Variants in NEGR1 observed in about 807,000 individuals in gnomAD.
NEGR1 encodes the protein neuronal growth regulator 1.
NEGR1 carries 10 observed loss-of-function variants against 40.9 expected under a neutral mutation model. The ratio of observed to expected loss-of-function variants is 0.24; its 90% CI spans 0.15 to 0.42. The LOEUF (loss-of-function observed/expected upper bound fraction) is 0.42, where lower values mean the gene tolerates loss of function less well. Among genes scored for constraint, NEGR1 ranks in the 10% least tolerant of loss-of-function variants. NEGR1 has a pLI of 1.00. For missense variants in NEGR1, 352 were observed against 438.9 expected (o/e 0.80, Z 1.77); for synonymous variants, 185 against 166.8 (o/e 1.11, Z -0.84).
chr1:71,956,411 C>A (rs1646120029), intron 1 of NEGR1, among the ~76,000 whole-genome samples: 3 of 151,992 alleles, frequency 2.0e-5, no homozygotes. Context: ...AAGTAGTATT[C>A]TTTTACAAAA....
rs1646267113 is a variant in NEGR1 at position 71,404,669 on chromosome 1, T to A, written c.*2777A>T. ...CTCATTTTTAAACTGCTACTTATTTTTCTTTCTTCCTTCTTTAAAAAAAAA... is the reference window on the plus strand; with the variant it reads ...CTCATTTTTAAACTGCTACTTATTTATCTTTCTTCCTTCTTTAAAAAAAAA... On this transcript the variant is annotated 3_prime_UTR_variant, in exon 7 of 7. Coordinates refer to ENST00000357731, the MANE Select transcript of NEGR1 (RefSeq NM_173808.3). 1 of 152,068 alleles carries A rather than the reference T, an allele frequency of 6.6e-6. No individual in the cohort carries two copies. Among genetic ancestry groups the A allele is most frequent in the Non-Finnish European group, 1.5e-5 (1 of 67,730 alleles). 9.4% of individuals were successfully genotyped at this position (152,068 alleles called of 1,614,324 possible).
At chr1:71,547,464 C>T (rs891612166) in intron 6 of NEGR1, among the ~76,000 whole-genome samples, 11 of 151,674 alleles carry the variant, frequency 7.3e-5, no homozygotes, top group Admixed American at 5.9e-4. Context: ...TTGGAGAGGA[C>T]GTCTTCTAAA....
intron 6 of NEGR1, among the ~76,000 whole-genome samples, chr1:71,499,351 A>G (rs1646984586): frequency 6.6e-6 from 1 of 151,452 alleles, no homozygotes; most frequent in Non-Finnish European, 1.5e-5. Flanking sequence ...CACCTAGTGC[A>G]GAGAAGGCAA....
chr1:72,260,899 T>C (rs1202400035), intron 1 of NEGR1, among the ~76,000 whole-genome samples: 1 of 152,044 alleles, frequency 6.6e-6, no homozygotes, highest in Admixed American at 6.6e-5. Context: ...TATAAACAAT[T>C]GTTGAAGATT....
rs953393982 is a variant in NEGR1 at position 71,639,783 on chromosome 1, G to C, written c.668-28637C>G. On this transcript the variant is annotated intron_variant, in intron 4 of 6. Transcript: ENST00000357731. ...GAGTACCAGAGGCAGCATGAATGGA[G>C]ACGTACATTTCATCCAGAGTGTCTT... is the stretch of plus-strand genomic sequence containing the variant. Among the ~76,000 whole-genome samples the C allele has an allele frequency of 5.9e-5, 9 of 152,100 alleles. No homozygotes were observed. In the South Asian group the frequency reaches 1.9e-3, roughly 32 times the overall value.
intron 2 of NEGR1, among the ~76,000 whole-genome samples, chr1:71,839,532 T>G (rs1482102874): frequency 6.6e-6 from 1 of 151,896 alleles, no homozygotes; most frequent in African/African-American, 2.4e-5. Context: ...TAGGATTAAT[T>G]TCAACACATC....
chr1:72,275,399 T>C (rs1656013716), intron 1 of NEGR1, among the ~76,000 whole-genome samples: 1 of 151,956 alleles, frequency 6.6e-6, no homozygotes, highest in Non-Finnish European at 1.5e-5. Context: ...ACACATAAAA[T>C]ACCTGACAAA....
intron 1 of NEGR1, among the ~76,000 whole-genome samples, chr1:72,088,099 C>A (rs1234293151): frequency 6.6e-6 from 1 of 152,152 alleles, no homozygotes; most frequent in Admixed American, 6.5e-5. Flanking sequence ...TTTTATGTAA[C>A]AGATTAGTGT....
intron 3 of NEGR1, among the ~76,000 whole-genome samples, chr1:71,716,250 G>A (rs1448626081): frequency 2.0e-5 from 3 of 151,966 alleles, no homozygotes; most frequent in African/African-American, 7.3e-5. Context: ...ATCTCCAACT[G>A]GTCTCGCCCT....
intron 3 of NEGR1, among the ~76,000 whole-genome samples, chr1:71,699,223 C>T (rs1653595794): frequency 6.6e-6 from 1 of 151,830 alleles, no homozygotes; most frequent in Non-Finnish European, 1.5e-5. Context: ...TTTAATGAAA[C>T]AAACAAAATA....
At chr1:71,958,951 CAAAAA>C (rs10598895) in intron 1 of NEGR1, among the ~76,000 whole-genome samples, 2 of 119,440 alleles carry the variant, frequency 1.7e-5, no homozygotes, top group African/African-American at 2.9e-5. Flanking sequence ...CATCTCATCT[CAAAAA>C]AAAAAAAAAA....
intron 1 of NEGR1, among the ~76,000 whole-genome samples, chr1:71,937,467 C>G (rs1013207563): frequency 6.6e-6 from 1 of 152,042 alleles, no homozygotes; most frequent in African/African-American, 2.4e-5. Context: ...CATCTATGGC[C>G]TTCGTATGTT....
intron 6 of NEGR1, among the ~76,000 whole-genome samples, chr1:71,571,533 T>C (rs1648806619): frequency 6.6e-6 from 1 of 152,190 alleles, no homozygotes; most frequent in Non-Finnish European, 1.5e-5. Flanking sequence ...CTCATGCCTG[T>C]AATCCCAGCA....
At chr1:71,521,729 T>G (rs1387707805) in intron 6 of NEGR1, among the ~76,000 whole-genome samples, 1 of 151,966 alleles carries the variant, frequency 6.6e-6, no homozygotes, top group African/African-American at 2.4e-5. Context: ...TTCAAGGGAT[T>G]AGTACAAATA....
chr1:72,096,478 T>C (rs1335719899), intron 1 of NEGR1, among the ~76,000 whole-genome samples: 1 of 151,982 alleles, frequency 6.6e-6, no homozygotes, highest in African/African-American at 2.4e-5. Context: ...ACAAATGTAA[T>C]CTAATATAAA....
chr1:72,069,255 CA>C (rs1223144401), intron 1 of NEGR1, among the ~76,000 whole-genome samples: 1 of 151,742 alleles, frequency 6.6e-6, no homozygotes, highest in East Asian at 1.9e-4. Flanking sequence ...ACTAAAAATA[CA>C]AAAAACAAAA....
chr1:71,680,453 T>C (rs1367927128), intron 4 of NEGR1, among the ~76,000 whole-genome samples: 4 of 152,140 alleles, frequency 2.6e-5, no homozygotes, highest in Admixed American at 2.6e-4. Context: ...CGTAGAATTC[T>C]GTCTCTATTT....
intron 2 of NEGR1, among the ~76,000 whole-genome samples, chr1:71,884,101 G>A (rs1189179725): frequency 6.6e-6 from 1 of 151,960 alleles, no homozygotes; most frequent in African/African-American, 2.4e-5. Context: ...ATTTTCTCCA[G>A]GGTGCCCTTT....
chr1:72,040,999 A>G (rs560584481), intron 1 of NEGR1, among the ~76,000 whole-genome samples: 1 of 149,050 alleles, frequency 6.7e-6, no homozygotes, highest in Admixed American at 6.6e-5. Context: ...TCCATATGTC[A>G]TTGTAAGTAA....
Sources: gnomAD v4.1 joint callset for allele counts (sites outside exome capture counted in the v4.1 genomes callset) on GRCh38, gnomAD v4.1.1 for gene constraint, MANE v1.5 for transcripts, NCBI Gene and HGNC (gene_info 2026-07-23, HGNC 2026-07-21) for gene names.